The following C8orf34 variants were observed in gnomAD, a reference collection of about 807,000 sequenced individuals.
C8orf34 encodes chromosome 8 open reading frame 34.
A neutral mutation model predicts 68.3 loss-of-function variants in C8orf34; 65 were observed. The ratio of observed to expected loss-of-function variants is 0.95; its 90% confidence interval spans 0.78 to 1.17. The LOEUF (loss-of-function observed/expected upper bound fraction) is 1.17, where lower values mean the gene tolerates loss of function less well. C8orf34 is among the 50% of genes most tolerant of loss of function. The pLI is 0.00. For synonymous variants in C8orf34, 244 were observed against 241.2 expected (o/e 1.01, Z -0.11); for missense variants, 664 against 655.4 (o/e 1.01, Z -0.14).
intron 1 of C8orf34, among the ~76,000 whole-genome samples, chr8:68,394,375 G>A (rs924905500): frequency 1.3e-5 from 2 of 151,668 alleles, no homozygotes; most frequent in East Asian, 3.9e-4. Flanking sequence ...TACTGAGAAT[G>A]ATGATTTCCA....
chr8:68,546,506 TAAAAA>T (rs894411158), intron 7 of C8orf34, among the ~76,000 whole-genome samples: 1 of 148,230 alleles, frequency 6.7e-6, no homozygotes, highest in Non-Finnish European at 1.5e-5. Flanking sequence ...CTGACAAAAC[TAAAAA>T]AAAAGAGACA....
intron 8 of C8orf34, 141 bp downstream of exon 8, chr8:68,640,652 G>GT (rs1409725666): frequency 1.2e-6 from 1 of 819,374 alleles, no homozygotes. Flanking sequence ...TGGCAAGGGA[G>GT]TTAGTTATGC....
At chr8:68,636,658 G>A (rs1370240712) in intron 7 of C8orf34, among the ~76,000 whole-genome samples, 1 of 152,018 alleles carries the variant, frequency 6.6e-6, no homozygotes, top group African/African-American at 2.4e-5. Flanking sequence ...TTGCCAAAAG[G>A]ATGTTAGTCA....
upstream of C8orf34, chr8:68,330,833 C>T (rs1290056994): frequency 3.8e-6 from 2 of 527,120 alleles, no homozygotes; most frequent in Non-Finnish European, 6.5e-6. Flanking sequence ...ACACCGGTGG[C>T]GAGTTCGAGC....
At chr8:68,345,774 T>C (rs1244005644) in intron 1 of C8orf34, among the ~76,000 whole-genome samples, 1 of 152,066 alleles carries the variant, frequency 6.6e-6, no homozygotes, top group Non-Finnish European at 1.5e-5. Context: ...GTGTATTATA[T>C]ATATGTGTGT....
intron 8 of C8orf34, among the ~76,000 whole-genome samples, chr8:68,679,727 CAG>C (rs1239775583): frequency 6.6e-6 from 1 of 152,116 alleles, no homozygotes; most frequent in Non-Finnish European, 1.5e-5. Context: ...GGCATAAAAA[CAG>C]ACACATAGAC....
At position 68,374,197 on chromosome 8, in the gene C8orf34, G is replaced by A. The variant is rs182340913; in HGVS notation, c.327+42858G>A. Among the ~76,000 whole-genome samples, 6 of 152,132 alleles carry A rather than the reference G, an allele frequency of 3.9e-5. 1 individual carries two copies. The East Asian group carries it at 5.8e-4, about 15-fold the overall frequency. ...CCCAAAGTGCTAGGATTGCAGGCAC[G>A]AGCCACCACACCTGGCCTATAATTC... On this transcript the variant is annotated intron_variant, in intron 1 of 13. Coordinates refer to ENST00000518698, the MANE Select transcript of C8orf34 (RefSeq NM_052958.4).
At chr8:68,580,567 G>A (rs1254627233) in intron 7 of C8orf34, among the ~76,000 whole-genome samples, 1 of 152,140 alleles carries the variant, frequency 6.6e-6, no homozygotes, top group African/African-American at 2.4e-5. Flanking sequence ...GCTGTAACAA[G>A]TAGATTGCAG....
intron 10 of C8orf34, among the ~76,000 whole-genome samples, chr8:68,765,075 T>C (rs141526321): frequency 0.014 from 2,198 of 152,346 alleles, 47 homozygotes; most frequent in African/African-American, 0.047. Flanking sequence ...CTGCCTTTCA[T>C]TATAAACTAA....
intron 12 of C8orf34, among the ~76,000 whole-genome samples, chr8:68,814,253 T>G (rs548531075): frequency 6.6e-6 from 1 of 152,184 alleles, no homozygotes; most frequent in African/African-American, 2.4e-5. Flanking sequence ...ATCCCAGATC[T>G]ACTGAATCAG....
At chr8:68,765,369 A>G (rs1413367374) in intron 10 of C8orf34, among the ~76,000 whole-genome samples, 1 of 152,214 alleles carries the variant, frequency 6.6e-6, no homozygotes, top group Non-Finnish European at 1.5e-5. Context: ...ACCTTCTGAC[A>G]GTACGTAGAG....
chr8:68,733,245 A>G (rs1025550725), intron 10 of C8orf34, among the ~76,000 whole-genome samples: 1 of 152,102 alleles, frequency 6.6e-6, no homozygotes, highest in Non-Finnish European at 1.5e-5. Context: ...TTGCAAGCAG[A>G]TTGTAATTAT....
intron 8 of C8orf34, among the ~76,000 whole-genome samples, chr8:68,700,334 G>T (rs1820974782): frequency 6.6e-6 from 1 of 152,136 alleles, no homozygotes; most frequent in African/African-American, 2.4e-5. Context: ...AAGGTAAGCA[G>T]GTTGCTCACC....
chr8:68,643,776 G>A (rs749839320), intron 8 of C8orf34, among the ~76,000 whole-genome samples: 8 of 152,126 alleles, frequency 5.3e-5, no homozygotes, highest in Non-Finnish European at 1.0e-4. Context: ...TTTGGGAGGG[G>A]CACAAACATT....
chr8:68,648,176 A>C (rs761206428), intron 8 of C8orf34, among the ~76,000 whole-genome samples: 1 of 152,178 alleles, frequency 6.6e-6, no homozygotes, highest in Non-Finnish European at 1.5e-5. Context: ...ACAGTTAGAT[A>C]TCCTCGAATG....
rs1330207094 is a variant in C8orf34, at chr8:68,345,277, T to C, written c.327+13938T>C. On this transcript the variant is annotated intron_variant, in intron 1 of 13. Coordinates refer to ENST00000518698, the MANE Select transcript of C8orf34 (RefSeq NM_052958.4). Reference sequence around the variant, plus strand: ...GAGACAATTGATATTGCATTGCTAGTATCTGAAACAATAGAATTTAAAGTG... The same window carrying C: ...GAGACAATTGATATTGCATTGCTAGCATCTGAAACAATAGAATTTAAAGTG... 1.6e-4 allele frequency among the ~76,000 whole-genome samples: 24 copies of C among 151,998 alleles called. 1 individual carries two copies. The highest frequency in any genetic ancestry group is 1.6e-3 in the Admixed American group (24 of 15,248).
chr8:68,796,092 T>C (rs1052860187), intron 12 of C8orf34, among the ~76,000 whole-genome samples: 3 of 152,162 alleles, frequency 2.0e-5, no homozygotes, highest in Admixed American at 2.0e-4. Flanking sequence ...GCCACTGTCA[T>C]TGTGAGTCTG....
intron 1 of C8orf34, among the ~76,000 whole-genome samples, chr8:68,341,755 CCT>C (rs1478964602): frequency 6.6e-6 from 1 of 152,204 alleles, no homozygotes; most frequent in Non-Finnish European, 1.5e-5. Flanking sequence ...AGTAAAACTC[CCT>C]GAGGCCGTCC....
chr8:68,377,509 G>A (rs1586016248), intron 1 of C8orf34, among the ~76,000 whole-genome samples: 1 of 152,108 alleles, frequency 6.6e-6, no homozygotes, highest in South Asian at 2.1e-4. Flanking sequence ...TAAGGTAGAG[G>A]TGGAGGTTTC....
Sources: gnomAD v4.1 joint callset for allele counts (sites outside exome capture counted in the v4.1 genomes callset) on GRCh38, gnomAD v4.1.1 for gene constraint, MANE v1.5 for transcripts, NCBI Gene and HGNC (gene_info 2026-07-23, HGNC 2026-07-21) for gene names.